Variants in CNTNAP5 observed in about 807,000 individuals in gnomAD.
The protein encoded by CNTNAP5 is contactin-associated protein-like 5.
CNTNAP5 carries 72 observed loss-of-function variants against 150.2 expected under a neutral mutation model. The ratio of observed to expected loss-of-function variants is 0.48; its 90% CI spans 0.40 to 0.58. CNTNAP5 has a LOEUF of 0.58. CNTNAP5 is among the 20% of genes least tolerant of loss of function. The pLI is 0.00. For synonymous variants in CNTNAP5, 672 were observed against 619.8 expected, an observed-to-expected ratio of 1.08 and a Z score of -1.25; for missense variants, 1,636 against 1,626.2, an observed-to-expected ratio of 1.01 and a Z score of -0.10.
intron 13 of CNTNAP5, among the ~76,000 whole-genome samples, chr2:124,743,477 G>A (rs1274358953): frequency 6.6e-6 from 1 of 152,150 alleles, no homozygotes; most frequent in Non-Finnish European, 1.5e-5. Context: ...CAGGAAGCAG[G>A]CTCTATGTGA....
Position 124,417,515 on chromosome 2 carries a change from G to C in CNTNAP5, c.454G>C (p.Val152Leu), listed in dbSNP as rs1691953780. 6.2e-7 allele frequency: 1 copy of C among 1,613,870 alleles called. No individual in the cohort carries two copies. Among genetic ancestry groups the C allele is most frequent in the Non-Finnish European group, 8.5e-7 (1 of 1,179,840 alleles). The change falls in exon 4 of 24, where the codon GTT (valine) becomes CTT (leucine). Residue 152 changes from valine (V) to leucine (L), a missense_variant. Val to Leu is a conservative substitution (Grantham distance 32). Coordinates refer to ENST00000682447, the MANE Select transcript of CNTNAP5 (RefSeq NM_001367498.1). ...KLLHSVRARF[V>L]RFVPLEWNPS... ...ATTGCACTCAGTGAGAGCCCGATTT[G>C]TTCGCTTTGTGCCCCTGGAATGGAA...
At chr2:124,680,411 T>G (rs980851592) in intron 13 of CNTNAP5, among the ~76,000 whole-genome samples, 4 of 151,910 alleles carry the variant, frequency 2.6e-5, no homozygotes, top group Admixed American at 1.3e-4. Flanking sequence ...TGTCCCCAAC[T>G]GCATTCCTGT....
intron 13 of CNTNAP5, among the ~76,000 whole-genome samples, chr2:124,729,264 T>C (rs1680221375): frequency 6.6e-6 from 1 of 152,142 alleles, no homozygotes; most frequent in South Asian, 2.1e-4. Flanking sequence ...TTGAGAACTC[T>C]AATCTTCAAA....
chr2:124,264,141 A>C (rs1028549698), intron 3 of CNTNAP5, among the ~76,000 whole-genome samples: 3 of 152,160 alleles, frequency 2.0e-5, no homozygotes, highest in African/African-American at 4.8e-5. Context: ...AATGGAAACC[A>C]GACTCCCCTT....
chr2:124,105,309 G>A (rs1683150414), intron 1 of CNTNAP5, among the ~76,000 whole-genome samples: 1 of 152,136 alleles, frequency 6.6e-6, no homozygotes, highest in African/African-American at 2.4e-5. Context: ...AAATAACTTT[G>A]CATACCTGAC....
chr2:124,152,410 T>C (rs1008653938), intron 1 of CNTNAP5, among the ~76,000 whole-genome samples: 4 of 152,232 alleles, frequency 2.6e-5, no homozygotes, highest in African/African-American at 4.8e-5. Context: ...AAGCAGGTTA[T>C]GCAAGTAGCC....
chr2:124,164,289 C>A (rs781771414), intron 1 of CNTNAP5, among the ~76,000 whole-genome samples: 65 of 152,256 alleles, frequency 4.3e-4, no homozygotes, highest in Non-Finnish European at 7.9e-4. Context: ...GTACATGGAG[C>A]GGTGCAGTGA....
intron 1 of CNTNAP5, among the ~76,000 whole-genome samples, chr2:124,116,088 C>T (rs779308284): frequency 6.6e-6 from 1 of 152,130 alleles, no homozygotes; most frequent in Non-Finnish European, 1.5e-5. Flanking sequence ...ACATTAAATG[C>T]TCTACAGGGC....
chr2:124,653,472 A>G (rs1317246219), intron 13 of CNTNAP5, among the ~76,000 whole-genome samples: 1 of 151,722 alleles, frequency 6.6e-6, no homozygotes. Flanking sequence ...TATACTATAT[A>G]GTATATGCTA....
At chr2:124,201,456 A>G (rs1685724917) in intron 1 of CNTNAP5, among the ~76,000 whole-genome samples, 1 of 152,198 alleles carries the variant, frequency 6.6e-6, no homozygotes, top group South Asian at 2.1e-4. Context: ...CAACACAATC[A>G]TGCTAAGAAA....
chr2:124,657,569 A>C (rs1162315828), intron 13 of CNTNAP5, among the ~76,000 whole-genome samples: 1 of 152,114 alleles, frequency 6.6e-6, no homozygotes, highest in African/African-American at 2.4e-5. Context: ...CGGATATCCC[A>C]GCCTGCAGCC....
At chr2:124,787,626 C>G (rs1383148599) in intron 17 of CNTNAP5, among the ~76,000 whole-genome samples, 7 of 152,042 alleles carry the variant, frequency 4.6e-5, no homozygotes, top group Admixed American at 4.6e-4. Context: ...GCCCTTCTCT[C>G]CCCACTCTCC....
At chr2:124,062,937 C>T (rs1189164580) in intron 1 of CNTNAP5, among the ~76,000 whole-genome samples, 3 of 152,084 alleles carry the variant, frequency 2.0e-5, no homozygotes, top group Non-Finnish European at 4.4e-5. Flanking sequence ...GAGTATATCA[C>T]ATTCATTCAT....
At chr2:124,061,926 T>G (rs1682019990) in intron 1 of CNTNAP5, among the ~76,000 whole-genome samples, 1 of 152,136 alleles carries the variant, frequency 6.6e-6, no homozygotes, top group Non-Finnish European at 1.5e-5. Context: ...TACTATCCAA[T>G]GAGCAGGAAT....
rs141935149 is a variant in CNTNAP5, at chr2:124,241,821, C to CAG, written c.188-362_188-361dup. ...AGAAAAGAAGGAACGATATATTAGT[C>CAG]AGAGAGAGAGAGAGAGAGCACATGT... On this transcript the variant is annotated intron_variant, in intron 2 of 23. Coordinates refer to ENST00000682447, the MANE Select transcript of CNTNAP5 (RefSeq NM_001367498.1). 1.2e-3 allele frequency among the ~76,000 whole-genome samples: 172 copies of CAG among 149,352 alleles called. 1 individual carries two copies. The highest frequency in any genetic ancestry group is 3.5e-3 in the Middle Eastern group (1 of 288).
chr2:124,787,169 A>G (rs538507688), intron 17 of CNTNAP5, among the ~76,000 whole-genome samples: 49 of 152,362 alleles, frequency 3.2e-4, no homozygotes, highest in African/African-American at 1.2e-3. Context: ...CTTCTGTTAA[A>G]GAAAAATGAC....
chr2:124,512,215 T>C (rs972769954), intron 8 of CNTNAP5, among the ~76,000 whole-genome samples: 3 of 151,820 alleles, frequency 2.0e-5, no homozygotes, highest in African/African-American at 7.3e-5. Context: ...AGAGCCCACT[T>C]TGGATTCCAT....
At chr2:124,646,988 T>A (rs1205476011) in intron 12 of CNTNAP5, among the ~76,000 whole-genome samples, 2 of 152,126 alleles carry the variant, frequency 1.3e-5, no homozygotes, top group Non-Finnish European at 2.9e-5. Context: ...AAATAAAAAT[T>A]TTTTTAATAA....
At position 124,461,639 on chromosome 2, in the gene CNTNAP5, G is replaced by A. The variant is rs575103325; in HGVS notation, c.919-13100G>A. On this transcript the variant is annotated intron_variant, in intron 6 of 23. Coordinates refer to ENST00000682447, the MANE Select transcript of CNTNAP5 (RefSeq NM_001367498.1). ...ACATGTATACATATATAACTAACCTGCACATTGTGCACATGTACCCTAAAA... is the reference window on the plus strand; with the variant it reads ...ACATGTATACATATATAACTAACCTACACATTGTGCACATGTACCCTAAAA... Among the ~76,000 whole-genome samples, 228 of 151,624 alleles carry A rather than the reference G, an allele frequency of 1.5e-3. 1 individual carries two copies. Among genetic ancestry groups the A allele is most frequent in the Middle Eastern group, 0.014 (4 of 294 alleles).
Sources: gnomAD v4.1 joint callset for allele counts (sites outside exome capture counted in the v4.1 genomes callset) on GRCh38, gnomAD v4.1.1 for gene constraint, MANE v1.5 for transcripts, NCBI Gene and HGNC (gene_info 2026-07-23, HGNC 2026-07-21) for gene names.